The following SGCZ variants were observed in gnomAD, a reference collection of about 807,000 sequenced individuals.
SGCZ encodes zeta-sarcoglycan.
A neutral mutation model predicts 41.3 loss-of-function variants in SGCZ; 40 were observed. The observed-to-expected ratio is 0.97, with a 90% CI of 0.75 to 1.26. The LOEUF is 1.26. Among genes scored for constraint, SGCZ ranks in the 50% most tolerant of loss-of-function variants. The pLI is 0.00. For synonymous variants in SGCZ, 206 were observed against 137.5 expected (o/e 1.50, Z -3.49); for missense variants, 552 against 369.8 (o/e 1.49, Z -4.04).
At chr8:14,168,933 A>C (rs1449818427) in intron 4 of SGCZ, among the ~76,000 whole-genome samples, 12 of 152,194 alleles carry the variant, frequency 7.9e-5, no homozygotes, top group Admixed American at 7.9e-4. Context: ...TAATTAATTT[A>C]ATCCTCATAA....
intron 3 of SGCZ, among the ~76,000 whole-genome samples, chr8:14,284,188 T>C (rs978874579): frequency 1.3e-5 from 2 of 152,216 alleles, no homozygotes; most frequent in Admixed American, 1.3e-4. Flanking sequence ...TCTAAGATTT[T>C]GAGACCAGCC....
intron 1 of SGCZ, among the ~76,000 whole-genome samples, chr8:14,658,128 C>T (rs2117474588): frequency 6.6e-6 from 1 of 152,244 alleles, no homozygotes; most frequent in East Asian, 1.9e-4. Context: ...TGCTCTTGCC[C>T]CACGCTCCTC....
At chr8:14,324,785 A>G (rs1802037601) in intron 2 of SGCZ, among the ~76,000 whole-genome samples, 1 of 152,138 alleles carries the variant, frequency 6.6e-6, no homozygotes, top group South Asian at 2.1e-4. Flanking sequence ...GAGACAGAAT[A>G]AAATTACTAA....
chr8:14,640,522 G>C (rs762957070), intron 1 of SGCZ, among the ~76,000 whole-genome samples: 1 of 151,562 alleles, frequency 6.6e-6, no homozygotes, highest in East Asian at 1.9e-4. Flanking sequence ...TCACAATAAT[G>C]TATCTTCGTG....
chr8:14,196,995 T>C (rs551145998), intron 4 of SGCZ, among the ~76,000 whole-genome samples: 1 of 152,208 alleles, frequency 6.6e-6, no homozygotes, highest in South Asian at 2.1e-4. Flanking sequence ...TAAGTACATT[T>C]CAAAGGTAAC....
At chr8:14,332,443 A>AAAAATAAAAT (rs948383089) in intron 2 of SGCZ, 1 of 152,152 alleles carries the variant, frequency 6.6e-6, no homozygotes, top group East Asian at 1.9e-4. Context: ...TCTGTCTCAA[A>AAAAATAAAAT]AAAATAAAAT....
intron 3 of SGCZ, among the ~76,000 whole-genome samples, chr8:14,252,187 C>T (rs1232387668): frequency 6.6e-5 from 10 of 152,170 alleles, no homozygotes; most frequent in South Asian, 4.1e-4. Context: ...ATCTCCCTGT[C>T]TCTCTGTGAT....
At chr8:14,981,699 A>G (rs1262482483) in intron 1 of SGCZ, among the ~76,000 whole-genome samples, 2 of 152,236 alleles carry the variant, frequency 1.3e-5, no homozygotes, top group African/African-American at 2.4e-5. Context: ...CAGGATGTGT[A>G]TAAATATACA....
intron 7 of SGCZ, 107 bp from the exon 8 acceptor site, chr8:14,090,744 A>G (rs928200618): frequency 1.0e-6 from 1 of 965,586 alleles, no homozygotes; most frequent in Non-Finnish European, 1.5e-6. Context: ...ACAACAAACA[A>G]TTCCATGGTT....
intron 1 of SGCZ, among the ~76,000 whole-genome samples, chr8:14,906,098 C>A (rs780225122): frequency 6.6e-6 from 1 of 151,880 alleles, no homozygotes; most frequent in African/African-American, 2.4e-5. Flanking sequence ...CAAAAGGCTG[C>A]GTATTTGAGA....
chr8:14,477,073 T>C lies in SGCZ; in HGVS notation c.234+77659A>G, dbSNP rs1292472878. Among the ~76,000 whole-genome samples the C allele has an allele frequency of 2.0e-5, 3 of 152,234 alleles. No individual in the cohort carries two copies. The South Asian group carries it at 6.2e-4, about 31-fold the overall frequency. ...CCTAATTTTTGATTTAATTAAACCCTACTTATTCTACTTTCCTTAATATTT... is the reference window on the plus strand; with the variant it reads ...CCTAATTTTTGATTTAATTAAACCCCACTTATTCTACTTTCCTTAATATTT... On this transcript the variant is annotated intron_variant, in intron 2 of 7. Coordinates refer to ENST00000382080, the MANE Select transcript of SGCZ (RefSeq NM_139167.4).
chr8:15,053,378 G>A (rs1210111775), intron 1 of SGCZ, among the ~76,000 whole-genome samples: 1 of 151,820 alleles, frequency 6.6e-6, no homozygotes, highest in Non-Finnish European at 1.5e-5. Flanking sequence ...GCCTGACTTA[G>A]TTTCCTCTCC....
At chr8:14,515,071 T>G (rs1351056494) in intron 2 of SGCZ, among the ~76,000 whole-genome samples, 1 of 151,964 alleles carries the variant, frequency 6.6e-6, no homozygotes, top group Admixed American at 6.6e-5. Flanking sequence ...TCAACTTTGC[T>G]CTAGGGAAAA....
intron 2 of SGCZ, among the ~76,000 whole-genome samples, chr8:14,380,362 G>C (rs1216690091): frequency 1.3e-5 from 2 of 152,018 alleles, no homozygotes; most frequent in Non-Finnish European, 2.9e-5. Context: ...TTTTTCTAGT[G>C]TTGAATGTCA....
chr8:14,488,490 A>G (rs1042590106), intron 2 of SGCZ, among the ~76,000 whole-genome samples: 20 of 152,122 alleles, frequency 1.3e-4, no homozygotes. Flanking sequence ...ATAAAGTTGC[A>G]ATTGCCCCTT....
chr8:14,374,637 T>G (rs958759589), intron 2 of SGCZ, among the ~76,000 whole-genome samples: 8 of 152,096 alleles, frequency 5.3e-5, no homozygotes, highest in African/African-American at 1.7e-4. Context: ...CATAAATACA[T>G]AGGGAGGCCA....
At chr8:14,366,843 C>A (rs144949667) in intron 2 of SGCZ, among the ~76,000 whole-genome samples, 1 of 152,218 alleles carries the variant, frequency 6.6e-6, no homozygotes, top group Admixed American at 6.5e-5. Flanking sequence ...AGGCACAAAA[C>A]CTTTTTTCCC....
chr8:14,244,996 G>C (rs935444080), intron 3 of SGCZ, among the ~76,000 whole-genome samples: 1 of 152,142 alleles, frequency 6.6e-6, no homozygotes, highest in Non-Finnish European at 1.5e-5. Context: ...ATTTTGGGCT[G>C]AGACAATGGG....
chr8:14,863,942 G>A (rs541192080), intron 1 of SGCZ, among the ~76,000 whole-genome samples: 3 of 152,108 alleles, frequency 2.0e-5, no homozygotes, highest in South Asian at 2.1e-4. Context: ...AACTTTGTTC[G>A]GTACAAAATA....
Sources: allele counts gnomAD v4.1 joint callset (sites outside exome capture counted in the v4.1 genomes callset), GRCh38; gene constraint gnomAD v4.1.1; transcripts MANE v1.5; gene names NCBI Gene and HGNC (gene_info 2026-07-23, HGNC 2026-07-21).